KLC1: variants seen among roughly 807,000 people sequenced by gnomAD.
KLC1 encodes the protein kinesin 2 60/70kDa.
A neutral mutation model predicts 84.2 loss-of-function variants in KLC1; 30 were observed. That is an observed-to-expected ratio of 0.36 (90% CI 0.27 to 0.48). The LOEUF is 0.48. KLC1 is among the 20% of genes least tolerant of loss of function. KLC1 has a pLI of 0.99. For missense variants in KLC1, 499 were observed against 805.4 expected, an observed-to-expected ratio of 0.62 and a Z score of 4.60; for synonymous variants, 289 against 293.3, an observed-to-expected ratio of 0.99 and a Z score of 0.15.
chr14:103,670,405 C>T (rs1263599938), intron 7 of KLC1, 122 bp downstream of exon 7: 9 of 581,540 alleles, frequency 1.5e-5, no homozygotes, highest in South Asian at 1.2e-4. Flanking sequence ...GGCGTGATCT[C>T]GGCTCACTGC....
rs114293217 is a variant in KLC1, at chr14:103,693,134, T to C, written c.1848+709T>C. On this transcript the variant is annotated intron_variant, in intron 15 of 16. Transcript: ENST00000334553. This position sits in a 1 kb window ranked among gnomAD's most constrained non-coding sequence, Gnocchi z 5.1. The stretch of plus-strand genomic sequence containing the variant: ...CCTGCCCCTGTGCTGGTGCTGAGAG[T>C]TCGCGACAGTGGCCAGGCACTGCCC... Among the ~76,000 whole-genome samples the C allele has an allele frequency of 0.018, 2,792 of 152,278 alleles. 76 individuals are homozygous for C. Among genetic ancestry groups the C allele is most frequent in the African/African-American group, 0.059 (2,461 of 41,538 alleles).
At chr14:103,669,460 A>AAGAAC in intron 5 of KLC1, 51 bp from the exon 6 acceptor site, 1 of 1,078,988 alleles carries the variant, frequency 9.3e-7, no homozygotes, top group South Asian at 1.3e-5. Context: ...AAGAAAAGAA[A>AAGAAC]AGCTGTAGTG....
rs935711864 is a variant in KLC1 at position 103,693,797 on chromosome 14, C to G, written c.1848+1372C>G. The G allele has an allele frequency of 7.1e-7, 1 of 1,411,418 alleles. No homozygotes were observed. Among genetic ancestry groups the G allele is most frequent in the Non-Finnish European group, 9.2e-7 (1 of 1,086,400 alleles). The allele number at this position is 1,411,418 out of a possible 1,614,324, so 87.4% of individuals were successfully genotyped here. ...ACCCGGGAGGCCGTGCCTCAGCATT[C>G]TGTTACTCGGCCTGCAGCCCCAGTG... On this transcript the variant is annotated intron_variant, in intron 15 of 16. Transcript: ENST00000334553. The surrounding 1 kb of genome is among the most constrained non-coding windows in gnomAD (Gnocchi z 5.1).
At chr14:103,636,577 T>G (rs544515178) in intron 1 of KLC1, among the ~76,000 whole-genome samples, 4 of 152,082 alleles carry the variant, frequency 2.6e-5, no homozygotes, top group Non-Finnish European at 5.9e-5. Context: ...CTTGTTAGTT[T>G]TAATGTGCAT....
chr14:103,636,263 CCAGGCTGGAGTG>C (rs980601038), intron 1 of KLC1, among the ~76,000 whole-genome samples: 1 of 151,978 alleles, frequency 6.6e-6, no homozygotes, highest in African/African-American at 2.4e-5. Context: ...CTCTTGTTGC[CCAGGCTGGAGTG>C]CAGTGGCACG....
At chr14:103,676,860 TAAGA>T (rs201390883) in intron 11 of KLC1, among the ~76,000 whole-genome samples, 1,965 of 151,970 alleles carry the variant, frequency 0.013, 25 homozygotes, top group Non-Finnish European at 0.02. Context: ...GTTTGAAAAA[TAAGA>T]AAGAAAGAAA....
chr14:103,682,092 C>A (rs751853361), intron 13 of KLC1, among the ~76,000 whole-genome samples: 3 of 151,960 alleles, frequency 2.0e-5, no homozygotes, highest in Non-Finnish European at 4.4e-5. Context: ...TATACCTTGC[C>A]GGGCGCGGTG....
Position 103,648,434 on chromosome 14 carries a change from A to G in KLC1, c.-1-6130A>G, listed in dbSNP as rs542227171. ...ACAGGATAGGTTCTTAACATTCTCA[A>G]TTTATGTCCTCAGAATGTGGTAGTA... On this transcript the variant is annotated intron_variant, in intron 1 of 16. Transcript: ENST00000334553. 2.0e-4 allele frequency among the ~76,000 whole-genome samples: 30 copies of G among 152,234 alleles called. No individual in the cohort carries two copies. In the South Asian group the frequency reaches 5.8e-3, roughly 29 times the overall value.
chr14:103,651,282 A>G (rs1390746666), intron 1 of KLC1, among the ~76,000 whole-genome samples: 1 of 152,194 alleles, frequency 6.6e-6, no homozygotes, highest in Non-Finnish European at 1.5e-5. Context: ...TGCTAGGATT[A>G]CAGGCGTCGG....
At chr14:103,699,729 C>T (rs569187145) in intron 15 of KLC1, among the ~76,000 whole-genome samples, 5 of 152,172 alleles carry the variant, frequency 3.3e-5, no homozygotes, top group African/African-American at 1.2e-4. Flanking sequence ...ACTCTGAGCC[C>T]AATTCTGTAT....
At chr14:103,700,302 C>T (rs1310788569) in intron 15 of KLC1, 1 of 258,482 alleles carries the variant, frequency 3.9e-6, no homozygotes, top group Non-Finnish European at 7.4e-6. Flanking sequence ...AGGAGAGCTT[C>T]CAGGGGAGGA....
chr14:103,667,026 G>C (rs1036903544), intron 5 of KLC1, among the ~76,000 whole-genome samples: 3 of 149,358 alleles, frequency 2.0e-5, no homozygotes, highest in Non-Finnish European at 3.0e-5. Context: ...TGACCCACCC[G>C]CCTTAGCCTC....
At position 103,662,898 on chromosome 14, in the gene KLC1, C is replaced by A; in HGVS notation, c.768C>A (p.Thr256=). The change falls in exon 5 of 17, where the codon ACC becomes ACA. Residue 256 remains threonine, a synonymous_variant. Coordinates refer to ENST00000334553, the MANE Select transcript of KLC1 (RefSeq NM_001394837.1). ...TSGHDHPDVA[T]MLNILALVYR... ...GACACGACCACCCGGACGTGGCCAC[C>A]ATGCTCAACATCCTGGCCTTGGTGT... 6.2e-7 allele frequency: 1 copy of A among 1,613,146 alleles called. No homozygotes were observed. The highest frequency in any genetic ancestry group is 8.5e-7 in the Non-Finnish European group (1 of 1,179,730).
At chr14:103,674,615 A>T (rs1311291642) in intron 9 of KLC1, among the ~76,000 whole-genome samples, 2 of 151,958 alleles carry the variant, frequency 1.3e-5, no homozygotes, top group East Asian at 3.9e-4. Context: ...GATTTTCACC[A>T]TGTTGGCCAG....
At chr14:103,692,499 G>C in intron 15 of KLC1, 74 bp downstream of exon 15, 1 of 1,323,648 alleles carries the variant, frequency 7.6e-7, no homozygotes, top group Non-Finnish European at 1.0e-6. Context: ...ACCCGCACTC[G>C]GCCCCTGCTC....
chr14:103,651,772 G>A (rs540727832), intron 1 of KLC1, among the ~76,000 whole-genome samples: 2 of 152,178 alleles, frequency 1.3e-5, no homozygotes, highest in East Asian at 1.9e-4. Flanking sequence ...CTTTGCTGCC[G>A]GGCTGGCAGT....
At chr14:103,679,340 T>G in intron 12 of KLC1, 44 bp from the exon 13 acceptor site, 2 of 1,588,946 alleles carry the variant, frequency 1.3e-6, no homozygotes, top group Non-Finnish European at 8.5e-7. Flanking sequence ...AAGAAAATCT[T>G]AAGTGCTAAT....
chr14:103,657,491 A>G, intron 2 of KLC1, 55 bp from the exon 3 acceptor site: 1 of 1,422,298 alleles, frequency 7.0e-7, no homozygotes, highest in South Asian at 1.2e-5. Context: ...CACGGGTGGG[A>G]GGGACTCTTG....
intron 15 of KLC1, chr14:103,698,778 G>A (rs575828884): frequency 4.4e-5 from 69 of 1,574,902 alleles, no homozygotes; most frequent in Admixed American, 1.6e-4. Context: ...AGGCAGGGCT[G>A]TTGTGCAGCC....
Sources: gnomAD v4.1 joint callset for allele counts (sites outside exome capture counted in the v4.1 genomes callset) on GRCh38, gnomAD v4.1.1 for gene constraint, Gnocchi (gnomAD v3.1) non-coding constraint, MANE v1.5 for transcripts, NCBI Gene and HGNC (gene_info 2026-07-23, HGNC 2026-07-21) for gene names.